Variants in MND1 observed in about 807,000 individuals in gnomAD.
The protein encoded by MND1 is meiotic nuclear division protein 1 homolog.
In MND1, 28 loss-of-function variants were observed where a neutral mutation model predicts 35.1. That is an observed-to-expected ratio of 0.80 (90% CI 0.59 to 1.09). MND1 has a LOEUF of 1.09. Ranked by LOEUF, MND1 falls within the 50% of genes least tolerant of loss-of-function variation. The probability of loss-of-function intolerance (pLI) is 0.00; values close to 1 mark genes in which losing one functional copy is unlikely to be tolerated. For missense variants in MND1, 213 were observed against 239.6 expected, an observed-to-expected ratio of 0.89 and a Z score of 0.73; for synonymous variants, 69 against 70.5, an observed-to-expected ratio of 0.98 and a Z score of 0.11.
chr4:153,345,364 T>C (rs1773049177), intron 1 of MND1: 1 of 985,496 alleles, frequency 1.0e-6, no homozygotes, highest in Admixed American at 6.1e-5. Context: ...TCGATTTCTG[T>C]GAAAACGCCC....
At chr4:153,372,963 G>T (rs1187674703) in intron 4 of MND1, among the ~76,000 whole-genome samples, 1 of 149,520 alleles carries the variant, frequency 6.7e-6, no homozygotes, top group Non-Finnish European at 1.5e-5. Flanking sequence ...AATATTCTTT[G>T]TTCTGGTGTT....
At chr4:153,400,416 A>T (rs938868793) in intron 6 of MND1, among the ~76,000 whole-genome samples, 45 of 152,010 alleles carry the variant, frequency 3.0e-4, no homozygotes, top group African/African-American at 1.1e-3. Flanking sequence ...TTGCAGGCAC[A>T]GTGGCTCATG....
chr4:153,397,452 A>G, intron 6 of MND1, 119 bp downstream of exon 6: 1 of 666,594 alleles, frequency 1.5e-6, no homozygotes, highest in Non-Finnish European at 2.5e-6. Context: ...TTAAGGTAGT[A>G]TTCTGTTTGT....
chr4:153,344,865 C>T (rs1272945476), intron 1 of MND1, 125 bp downstream of exon 1: 4 of 1,473,264 alleles, frequency 2.7e-6, no homozygotes, highest in Non-Finnish European at 3.6e-6. Flanking sequence ...AGCGGTCGCC[C>T]GGCTCTCGGC....
intron 5 of MND1, among the ~76,000 whole-genome samples, 158 bp downstream of exon 5, chr4:153,394,494 A>G (rs1274782807): frequency 1.3e-5 from 2 of 152,178 alleles, no homozygotes; most frequent in African/African-American, 4.8e-5. Context: ...ACCAATTGTG[A>G]GTCTAGATTT....
intron 7 of MND1, among the ~76,000 whole-genome samples, chr4:153,413,534 C>A (rs913610585): frequency 6.6e-6 from 1 of 151,770 alleles, no homozygotes; most frequent in Non-Finnish European, 1.5e-5. Flanking sequence ...CAAAAGTTGC[C>A]GGGTATGGTG....
At chr4:153,391,778 AT>A (rs199589291) in intron 4 of MND1, among the ~76,000 whole-genome samples, 2,626 of 149,520 alleles carry the variant, frequency 0.018, 50 homozygotes, top group East Asian at 0.074. Context: ...CACACAGCAG[AT>A]TTTTTTTTTA....
At chr4:153,344,817 A>G (rs1773031468) in intron 1 of MND1, 77 bp downstream of exon 1, 1 of 1,561,480 alleles carries the variant, frequency 6.4e-7, no homozygotes, top group East Asian at 2.5e-5. Flanking sequence ...CTGCATGTGG[A>G]TCCCGGCCTG....
intron 1 of MND1, 79 bp downstream of exon 1, chr4:153,344,819 C>A (rs1773031532): frequency 6.4e-7 from 1 of 1,558,104 alleles, no homozygotes; most frequent in African/African-American, 1.4e-5. Context: ...GCATGTGGAT[C>A]CCGGCCTGGC....
intron 2 of MND1, among the ~76,000 whole-genome samples, chr4:153,355,335 A>G (rs1773314113): frequency 6.6e-6 from 1 of 152,194 alleles, no homozygotes. Flanking sequence ...TTTCATGAAC[A>G]TAAAATTATG....
At chr4:153,375,185 T>A (rs1302894674) in intron 4 of MND1, among the ~76,000 whole-genome samples, 1 of 152,166 alleles carries the variant, frequency 6.6e-6, no homozygotes, top group Non-Finnish European at 1.5e-5. Flanking sequence ...TAGAAATGAT[T>A]ATTTTGAGCT....
chr4:153,362,047 A>G (rs987122065), intron 4 of MND1, among the ~76,000 whole-genome samples: 5 of 152,186 alleles, frequency 3.3e-5, no homozygotes, highest in East Asian at 3.9e-4. Flanking sequence ...AGTTCTTTCC[A>G]TAACTATTTC....
chr4:153,390,881 G>GTA (rs71598270), intron 4 of MND1, among the ~76,000 whole-genome samples: 235 of 137,560 alleles, frequency 1.7e-3, no homozygotes, highest in Admixed American at 3.0e-3. Flanking sequence ...AAAAAAAAAG[G>GTA]TATATATATG....
intron 4 of MND1, among the ~76,000 whole-genome samples, chr4:153,364,433 C>T (rs545454917): frequency 3.8e-4 from 58 of 151,690 alleles, no homozygotes; most frequent in Middle Eastern, 3.4e-3. Flanking sequence ...GGGAGGATCG[C>T]GTGAGCCTAA....
chr4:153,379,803 C>A (rs1728617726), intron 4 of MND1, among the ~76,000 whole-genome samples: 1 of 140,796 alleles, frequency 7.1e-6, no homozygotes, highest in Non-Finnish European at 1.5e-5. Context: ...TGAGCCGAGA[C>A]CACACCACTG....
chr4:153,414,006 C>A (rs529010013), intron 7 of MND1, among the ~76,000 whole-genome samples: 6 of 152,108 alleles, frequency 3.9e-5, no homozygotes, highest in Non-Finnish European at 8.8e-5. Context: ...CCTTTCCCTG[C>A]TCCCCACCCC....
intron 6 of MND1, among the ~76,000 whole-genome samples, chr4:153,400,974 C>T (rs888485107): frequency 6.6e-6 from 1 of 152,086 alleles, no homozygotes; most frequent in Non-Finnish European, 1.5e-5. Context: ...ATGAAAACTA[C>T]AATGTCTGAC....
intron 2 of MND1, among the ~76,000 whole-genome samples, chr4:153,353,423 A>ATG (rs1554008936): frequency 3.9e-5 from 4 of 102,484 alleles, no homozygotes; most frequent in Non-Finnish European, 8.3e-5. Flanking sequence ...ATATATATAT[A>ATG]TATATATATA....
rs1336430727 is a variant in MND1, at chr4:153,358,553, T to C, written c.207T>C (p.Asn69=). 2.5e-6 allele frequency: 4 copies of C among 1,613,586 alleles called. No individual in the cohort carries two copies. The highest frequency in any genetic ancestry group is 3.4e-6 in the Non-Finnish European group (4 of 1,179,826). ...ACTGTGAGAGGATCGGAACTTCTAA[T>C]TATTATTGGGCTTTTCCAAGTAAAG... ...MVDCERIGTS[N]YYWAFPSKAL... is the part of the protein sequence containing the mutation. Residue 69 remains asparagine, a synonymous_variant, in exon 4 of 8, where the codon AAT becomes AAC. Transcript: ENST00000240488.
Sources: gnomAD v4.1 joint callset for allele counts (sites outside exome capture counted in the v4.1 genomes callset) on GRCh38, gnomAD v4.1.1 for gene constraint, MANE v1.5 for transcripts, NCBI Gene and HGNC (gene_info 2026-07-23, HGNC 2026-07-21) for gene names.